The following C1orf21 variants were observed in gnomAD, a reference collection of about 807,000 sequenced individuals.
C1orf21 encodes chromosome 1 open reading frame 21, also known as uncharacterized protein C1orf21.
A neutral mutation model predicts 18.7 loss-of-function variants in C1orf21; 3 were observed. The ratio of observed to expected loss-of-function variants is 0.16; its 90% confidence interval spans 0.07 to 0.42. The LOEUF is 0.42. Among genes scored for constraint, C1orf21 ranks in the 10% least tolerant of loss-of-function variants. C1orf21 has a pLI of 0.99. For missense variants in C1orf21, 104 were observed against 143.6 expected (o/e 0.72, Z 1.41); for synonymous variants, 41 against 46.4 (o/e 0.88, Z 0.47).
chr1:184,470,714 G>T (rs1409567123), intron 1 of C1orf21, among the ~76,000 whole-genome samples: 1 of 151,986 alleles, frequency 6.6e-6, no homozygotes, highest in Non-Finnish European at 1.5e-5. Flanking sequence ...TCCCATCTCT[G>T]CTAAAAATAC....
chr1:184,444,677 T>C (rs922627361), intron 1 of C1orf21, among the ~76,000 whole-genome samples: 5 of 152,166 alleles, frequency 3.3e-5, no homozygotes, highest in Admixed American at 2.0e-4. Flanking sequence ...ACTTCCTTTA[T>C]ATAAAAATGA....
chr1:184,571,043 C>G (rs1196470651), intron 3 of C1orf21, among the ~76,000 whole-genome samples: 1 of 152,086 alleles, frequency 6.6e-6, no homozygotes, highest in Non-Finnish European at 1.5e-5. Flanking sequence ...CCTGTAATCC[C>G]AGCACTTTGG....
chr1:184,578,589 A>G (rs1328907778), intron 3 of C1orf21, among the ~76,000 whole-genome samples: 1 of 152,228 alleles, frequency 6.6e-6, no homozygotes, highest in Non-Finnish European at 1.5e-5. Flanking sequence ...TAAGCTCCAA[A>G]TGGCATTTTG....
intron 3 of C1orf21, among the ~76,000 whole-genome samples, chr1:184,559,480 T>G: frequency 7.5e-6 from 1 of 133,944 alleles, no homozygotes; most frequent in East Asian, 2.1e-4. Flanking sequence ...CTTTCCCTCC[T>G]TCCTTCCTTC....
chr1:184,489,877 G>T (rs1473304474), intron 2 of C1orf21, among the ~76,000 whole-genome samples: 3 of 152,166 alleles, frequency 2.0e-5, no homozygotes, highest in Non-Finnish European at 2.9e-5. Flanking sequence ...GAAGTTTCAG[G>T]TGATTCTTAA....
chr1:184,400,794 A>G (rs970491533), intron 1 of C1orf21, among the ~76,000 whole-genome samples: 2 of 152,200 alleles, frequency 1.3e-5, no homozygotes, highest in African/African-American at 2.4e-5. Flanking sequence ...CAGTGGTGCA[A>G]TAAACAGCTT....
chr1:184,582,308 G>A (rs148159143), intron 3 of C1orf21, among the ~76,000 whole-genome samples: 1 of 152,372 alleles, frequency 6.6e-6, no homozygotes, highest in East Asian at 1.9e-4. Context: ...TTTAAAATGT[G>A]TGTGTACTTC....
intron 3 of C1orf21, among the ~76,000 whole-genome samples, chr1:184,519,386 G>A (rs1355673158): frequency 6.6e-6 from 1 of 152,122 alleles, no homozygotes; most frequent in Non-Finnish European, 1.5e-5. Flanking sequence ...CTAAGAGCAG[G>A]ACCCTGATAT....
rs79813838 is a variant in C1orf21 at position 184,418,710 on chromosome 1, A to G, written c.-125+31342A>G. Among the ~76,000 whole-genome samples the G allele has an allele frequency of 7.6e-3, 1,160 of 152,252 alleles. 8 individuals are homozygous for G. The highest frequency in any genetic ancestry group is 0.017 in the Middle Eastern group (5 of 294). ...ATTTTGACACAGATTTTTCTCATTT[A>G]ATGTCAATATCCTCAGGCACTACAG... On this transcript the variant is annotated intron_variant, in intron 1 of 5. Transcript: ENST00000235307.
chr1:184,443,928 T>C lies in C1orf21; in HGVS notation c.-124-33458T>C, dbSNP rs1357445862. ...CATGACAGGGGGTATATGAGGGCAG[T>C]GTTTTCCATAGCGACCAGAAGCAGA... On this transcript the variant is annotated intron_variant, in intron 1 of 5. Coordinates refer to ENST00000235307, the MANE Select transcript of C1orf21 (RefSeq NM_030806.4). Among the ~76,000 whole-genome samples the C allele has an allele frequency of 2.6e-5, 4 of 152,150 alleles. No homozygotes were observed. In the East Asian group the frequency reaches 7.7e-4, roughly 29 times the overall value.
At chr1:184,552,164 T>A (rs769046546) in intron 3 of C1orf21, among the ~76,000 whole-genome samples, 13 of 151,994 alleles carry the variant, frequency 8.6e-5, no homozygotes, top group African/African-American at 3.1e-4. Context: ...GGAAAAAAAA[T>A]TAATACTTTT....
At chr1:184,526,109 T>C (rs1658373116) in intron 3 of C1orf21, among the ~76,000 whole-genome samples, 1 of 152,190 alleles carries the variant, frequency 6.6e-6, no homozygotes, top group South Asian at 2.1e-4. Flanking sequence ...TGACAGAAAA[T>C]GTTGAGTTAA....
At chr1:184,571,203 A>G (rs1461725776) in intron 3 of C1orf21, among the ~76,000 whole-genome samples, 3 of 147,912 alleles carry the variant, frequency 2.0e-5, no homozygotes, top group Admixed American at 6.7e-5. Flanking sequence ...AGGCTGAGGC[A>G]GGAGAATGGC....
At chr1:184,500,965 G>A (rs1657967687) in intron 2 of C1orf21, among the ~76,000 whole-genome samples, 1 of 152,176 alleles carries the variant, frequency 6.6e-6, no homozygotes, top group Non-Finnish European at 1.5e-5. Flanking sequence ...CTCCTTCCTA[G>A]TCTTCCCCAT....
intron 1 of C1orf21, among the ~76,000 whole-genome samples, chr1:184,441,364 C>T (rs996417536): frequency 4.6e-5 from 7 of 152,184 alleles, no homozygotes; most frequent in Admixed American, 2.0e-4. Flanking sequence ...GGTGGCAGGG[C>T]GAAGACCTGG....
At chr1:184,568,495 A>G (rs1571281388) in intron 3 of C1orf21, 2 of 466,190 alleles carry the variant, frequency 4.3e-6, no homozygotes, top group African/African-American at 4.0e-5. Flanking sequence ...TGTGAGTATT[A>G]TAAGGGAATA....
intron 1 of C1orf21, among the ~76,000 whole-genome samples, chr1:184,404,669 A>G (rs1656217532): frequency 6.6e-6 from 1 of 152,206 alleles, no homozygotes; most frequent in Admixed American, 6.5e-5. Context: ...AAACATTCAA[A>G]CCATAGCAAG....
At chr1:184,576,477 A>G (rs1249010854) in intron 3 of C1orf21, among the ~76,000 whole-genome samples, 1 of 152,208 alleles carries the variant, frequency 6.6e-6, no homozygotes, top group Non-Finnish European at 1.5e-5. Flanking sequence ...GACAGTTCTC[A>G]GAACCTTCTA....
Position 184,477,494 on chromosome 1 carries a change from C to A in C1orf21, c.-16C>A, listed in dbSNP as rs772595192. ...GATTTGCAGTTCAGCCCGGCTGAAG[C>A]TGACCGAATGAGACTATGGGCTGTG... On this transcript the variant is annotated 5_prime_UTR_variant, in exon 2 of 6. The change creates a new upstream start codon in the 5' untranslated region. Coordinates refer to ENST00000235307, the MANE Select transcript of C1orf21 (RefSeq NM_030806.4). The A allele has an allele frequency of 1.2e-6, 2 of 1,609,844 alleles. No individual in the cohort carries two copies. The highest frequency in any genetic ancestry group is 8.5e-7 in the Non-Finnish European group (1 of 1,177,348).
Sources: allele counts gnomAD v4.1 joint callset (sites outside exome capture counted in the v4.1 genomes callset), GRCh38; gene constraint gnomAD v4.1.1; transcripts MANE v1.5; gene names NCBI Gene and HGNC (gene_info 2026-07-23, HGNC 2026-07-21).